The following LFNG variants were observed in gnomAD, a reference collection of about 807,000 sequenced individuals.
The protein encoded by LFNG is beta-1,3-N-acetylglucosaminyltransferase lunatic fringe.
Under a neutral mutation model 32.7 loss-of-function variants are expected in LFNG, and 15 were observed. That is an observed-to-expected ratio of 0.46 (90% confidence interval 0.31 to 0.71). The LOEUF (loss-of-function observed/expected upper bound fraction) is 0.71, where lower values mean the gene tolerates loss of function less well. Ranked by LOEUF, LFNG falls within the 30% of genes least tolerant of loss-of-function variation. LFNG has a pLI of 0.06. For synonymous variants in LFNG, 274 were observed against 246.8 expected (o/e 1.11, Z -1.03); for missense variants, 520 against 545.7 (o/e 0.95, Z 0.47).
chr7:2,517,892 G>A, upstream of LFNG: 4 of 1,174,066 alleles, frequency 3.4e-6, no homozygotes, highest in Non-Finnish European at 4.3e-6. Context: ...GTGGGTGTGT[G>A]AGTGGCTATG....
At chr7:2,524,550 G>C (rs1779889760) in intron 1 of LFNG, 145 bp from the exon 2 acceptor site, 1 of 779,274 alleles carries the variant, frequency 1.3e-6, no homozygotes, top group East Asian at 2.7e-5. Flanking sequence ...AGCACGAGTG[G>C]GGAAACCAAG....
Position 2,526,858 on chromosome 7 carries a change from T to A in LFNG, c.1010T>A (p.Phe337Tyr), listed in dbSNP as rs1239628720. 4 of 1,611,748 alleles carry A rather than the reference T, an allele frequency of 2.5e-6. No homozygotes were observed. The highest frequency in any genetic ancestry group is 3.4e-6 in the Non-Finnish European group (4 of 1,179,778). Residue 337 changes from phenylalanine (F) to tyrosine (Y), a missense_variant, in exon 7 of 8, where the codon TTT becomes TAT. Physicochemically the swap from Phe to Tyr is conservative, Grantham distance 22. Coordinates refer to ENST00000222725, the MANE Select transcript of LFNG (RefSeq NM_001040167.2). The surrounding 1 kb of genome is among the most constrained non-coding windows in gnomAD (Gnocchi z 6.9). ...HEQVTLSYGM[F>Y]ENKRNAVHVK... The stretch of plus-strand genomic sequence containing the variant: ...CAGGTGACGCTGAGCTACGGTATGT[T>A]TGAAAACAAGCGGAACGCCGTCCAC...
rs554973791 is a variant in LFNG at position 2,521,155 on chromosome 7, T to C, written c.432+862T>C. ...CCCGGAGACCCAGGGCCTTCTGACC[T>C]GGCGCTGTCCTGTTTTGGGGCACTG... On this transcript the variant is annotated intron_variant, in intron 1 of 7. Transcript: ENST00000222725. 4.1e-5 allele frequency among the ~76,000 whole-genome samples: 6 copies of C among 146,144 alleles called. No homozygotes were observed. The South Asian group carries it at 1.4e-3, about 35-fold the overall frequency.
chr7:2,524,649 G>T (rs1452566399), intron 1 of LFNG, 46 bp from the exon 2 acceptor site: 1 of 1,553,490 alleles, frequency 6.4e-7, no homozygotes, highest in South Asian at 1.2e-5. Flanking sequence ...TGGCCCTGGG[G>T]TGGGGATGAA....
At position 2,526,116 on chromosome 7, in the gene LFNG, G is replaced by T; in HGVS notation, c.822-128G>T. 2 of 950,410 alleles carry T rather than the reference G, an allele frequency of 2.1e-6. No homozygotes were observed. Among genetic ancestry groups the T allele is most frequent in the Non-Finnish European group, 3.2e-6 (2 of 633,414 alleles). 58.9% of individuals were successfully genotyped at this position (950,410 alleles called of 1,614,324 possible). The stretch of plus-strand genomic sequence containing the variant: ...GTGGCCAGGGGAGGCAGAGGGAGCT[G>T]CAGCCCAGAGCTCTCCTCAGGGCTC... On this transcript the variant is annotated intron_variant, in intron 5 of 7. Transcript: ENST00000222725. This position sits in a 1 kb window ranked among gnomAD's most constrained non-coding sequence, Gnocchi z 6.9.
rs776363508 is a variant in LFNG at position 2,512,624 on chromosome 7, C to T, written c.-31C>T. ...TGGCCACCCTCGCAGCTTCCTCCCT[C>T]CCTGGCCACAAGGACCCAAAGCTCA... is the stretch of plus-strand genomic sequence containing the variant. On this transcript the variant is annotated 5_prime_UTR_variant, in exon 1 of 9. Transcript: ENST00000402506. The T allele has an allele frequency of 3.1e-6, 5 of 1,612,170 alleles. No homozygotes were observed. In the South Asian group the frequency reaches 5.5e-5, roughly 18 times the overall value.
chr7:2,517,870 T>G (rs1436552583), upstream of LFNG: 21 of 1,192,708 alleles, frequency 1.8e-5, no homozygotes, highest in Non-Finnish European at 2.1e-5. Flanking sequence ...TATGGAGGGT[T>G]TTGCTCTTTG....
rs369448148 is a variant in LFNG at position 2,525,455 on chromosome 7, G to A, written c.623G>A (p.Arg208Gln). 2.5e-5 allele frequency: 40 copies of A among 1,612,758 alleles called. No individual in the cohort carries two copies. The highest frequency in any genetic ancestry group is 2.9e-5 in the Non-Finnish European group (34 of 1,179,884). ...GACGATGACAACTACGTCAACCTGC[G>A]GGCCCTGCTGCGGCTGCTGGCCAGC... The part of the protein sequence containing the change: ...HVDDDNYVNL[R>Q]ALLRLLASYP... The change falls in exon 4 of 8, where the codon CGG (arginine) becomes CAG (glutamine). Residue 208 changes from arginine (R) to glutamine (Q), a missense_variant. This residue lies in a region of LFNG where 360 missense variants were observed against 354.7 expected (regional missense o/e 1.01). Coordinates refer to ENST00000222725, the MANE Select transcript of LFNG (RefSeq NM_001040167.2).
chr7:2,524,753 G>C lies in LFNG; in HGVS notation c.481+10G>C, dbSNP rs763736744. The C allele has an allele frequency of 7.6e-6, 12 of 1,581,312 alleles. No individual in the cohort carries two copies. In the East Asian group the frequency reaches 2.5e-4, roughly 33 times the overall value. On this transcript the variant is annotated intron_variant, in intron 2 of 7. Transcript: ENST00000222725. ...CTGGCCAGGCACACGGGTGAGCCCT[G>C]GACTTGGGGCGGGAGGGGGCCCAGG...
At chr7:2,513,729 G>C (rs1779544485), upstream of LFNG, among the ~76,000 whole-genome samples, 1 of 152,242 alleles carries the variant, frequency 6.6e-6, no homozygotes, top group African/African-American at 2.4e-5. Context: ...AGGCCGGCTG[G>C]GGCAGGGTGG....
In LFNG at chr7:2,526,524, C is replaced by T; in HGVS notation, c.987+115C>T. On this transcript the variant is annotated intron_variant, in intron 6 of 7. Coordinates refer to ENST00000222725, the MANE Select transcript of LFNG (RefSeq NM_001040167.2). The surrounding 1 kb of genome is among the most constrained non-coding windows in gnomAD (Gnocchi z 6.9). The stretch of plus-strand genomic sequence containing the variant: ...TTCTAAACAGGGAGGCCAGGCAGCA[C>T]TCCACTGTCAGCCAGGGGGGGTCAC... 8.5e-7 allele frequency: 1 copy of T among 1,178,908 alleles called. No homozygotes were observed. Among genetic ancestry groups the T allele is most frequent in the Non-Finnish European group, 1.2e-6 (1 of 820,794 alleles). The allele number at this position is 1,178,908 out of a possible 1,614,324, so 73.0% of individuals were successfully genotyped here.
rs545931165 is a variant in LFNG, at chr7:2,527,257, A to G, written c.*45A>G. The stretch of plus-strand genomic sequence containing the variant: ...ATCCCTGGGCGCCCCTGGTATCCAA[A>G]GGGCCCAGGGACCCTGTTGCGCTGC... On this transcript the variant is annotated 3_prime_UTR_variant, in exon 8 of 8. Coordinates refer to ENST00000222725, the MANE Select transcript of LFNG (RefSeq NM_001040167.2). This position sits in a 1 kb window ranked among gnomAD's most constrained non-coding sequence, Gnocchi z 4.4. The G allele has an allele frequency of 5.4e-5, 86 of 1,605,174 alleles. No homozygotes were observed. The South Asian group carries it at 8.0e-4, about 15-fold the overall frequency.
rs890099700 is a variant in LFNG at position 2,527,011 on chromosome 7, G to A, written c.1073+90G>A. On this transcript the variant is annotated intron_variant, in intron 7 of 7. Coordinates refer to ENST00000222725, the MANE Select transcript of LFNG (RefSeq NM_001040167.2). This position sits in a 1 kb window ranked among gnomAD's most constrained non-coding sequence, Gnocchi z 4.4. Reference sequence around the variant, plus strand: ...GAGCTGCAGCAGGGTCTCTCTAAGCGGCATGACTCTACATAGAGGTGTCCC... The same window carrying A: ...GAGCTGCAGCAGGGTCTCTCTAAGCAGCATGACTCTACATAGAGGTGTCCC... 25 of 1,431,086 alleles carry A rather than the reference G, an allele frequency of 1.7e-5. No individual in the cohort carries two copies. The highest frequency in any genetic ancestry group is 1.7e-4 in the Middle Eastern group (1 of 5,762). 88.6% of individuals were successfully genotyped at this position (1,431,086 alleles called of 1,614,324 possible). A position where few individuals can be genotyped will look rare whatever the true frequency, so the allele number is the denominator to read the frequency against.
chr7:2,527,538 G>A lies in LFNG; in HGVS notation c.*326G>A. ...GTTAGGATTTTTGGATCTTTCTACA[G>A]CTACGGGGCTCCGGGCTACTTTGCA... On this transcript the variant is annotated 3_prime_UTR_variant, in exon 8 of 8. Transcript: ENST00000222725. The surrounding 1 kb of genome is among the most constrained non-coding windows in gnomAD (Gnocchi z 4.4). The A allele has an allele frequency of 2.3e-6, 3 of 1,289,782 alleles. No homozygotes were observed. Among genetic ancestry groups the A allele is most frequent in the Non-Finnish European group, 3.0e-6 (3 of 1,007,096 alleles). 79.9% of individuals were successfully genotyped at this position (1,289,782 alleles called of 1,614,324 possible).
intron 1 of LFNG, among the ~76,000 whole-genome samples, chr7:2,524,215 G>T (rs967422902): frequency 6.6e-6 from 1 of 152,180 alleles, no homozygotes; most frequent in African/African-American, 2.4e-5. Flanking sequence ...GAGTGATTGA[G>T]ACTTGGCTTC....
Position 2,525,512 on chromosome 7 carries a change from A to C in LFNG, c.680A>C (p.Lys227Thr). The stretch of plus-strand genomic sequence containing the variant: ...CACACGCGGGACGTCTACGTCGGCA[A>C]GCCCAGCCTGGACAGGCCCATCCAG... Reference protein sequence around the residue: ...YPHTRDVYVGKPSLDRPIQAM... With the variant: ...YPHTRDVYVGTPSLDRPIQAM... The change falls in exon 4 of 8, where the codon AAG becomes ACG. Residue 227 changes from lysine to threonine, a missense_variant. Coordinates refer to ENST00000222725, the MANE Select transcript of LFNG (RefSeq NM_001040167.2). The C allele has an allele frequency of 6.2e-7, 1 of 1,612,408 alleles. No homozygotes were observed. Among genetic ancestry groups the C allele is most frequent in the South Asian group, 1.1e-5 (1 of 91,050 alleles).
At chr7:2,519,554 C>A (rs1345477503), upstream of LFNG, among the ~76,000 whole-genome samples, 1 of 151,088 alleles carries the variant, frequency 6.6e-6, no homozygotes, top group Non-Finnish European at 1.5e-5. Flanking sequence ...GCAGGGGCTA[C>A]CCGGGGCGGG....
chr7:2,527,538 G>C lies in LFNG; in HGVS notation c.*326G>C. ...GTTAGGATTTTTGGATCTTTCTACAGCTACGGGGCTCCGGGCTACTTTGCA... is the reference window on the plus strand; with the variant it reads ...GTTAGGATTTTTGGATCTTTCTACACCTACGGGGCTCCGGGCTACTTTGCA... On this transcript the variant is annotated 3_prime_UTR_variant, in exon 8 of 8. Coordinates refer to ENST00000222725, the MANE Select transcript of LFNG (RefSeq NM_001040167.2). The surrounding 1 kb of genome is among the most constrained non-coding windows in gnomAD (Gnocchi z 4.4). 1 of 1,289,782 alleles carries C rather than the reference G, an allele frequency of 7.8e-7. No individual in the cohort carries two copies. Among genetic ancestry groups the C allele is most frequent in the Non-Finnish European group, 9.9e-7 (1 of 1,007,096 alleles). The allele number at this position is 1,289,782 out of a possible 1,614,324, so 79.9% of individuals were successfully genotyped here.
upstream of LFNG, among the ~76,000 whole-genome samples, chr7:2,517,395 G>A (rs1362149986): frequency 6.6e-6 from 1 of 152,180 alleles, no homozygotes; most frequent in Non-Finnish European, 1.5e-5. Context: ...AGAGAGACGC[G>A]GGAACCCCCC....
Sources: gnomAD v4.1 joint callset for allele counts (sites outside exome capture counted in the v4.1 genomes callset) on GRCh38, gnomAD v4.1.1 for gene constraint, gnomAD v4.1.1 regional missense constraint, Gnocchi (gnomAD v3.1) non-coding constraint, MANE v1.5 for transcripts, NCBI Gene and HGNC (gene_info 2026-07-23, HGNC 2026-07-21) for gene names.